MOK: variants seen among roughly 807,000 people sequenced by gnomAD.
MOK encodes the protein MOK protein kinase.
In MOK, 59 loss-of-function variants were observed where a neutral mutation model predicts 54.2. The ratio of observed to expected loss-of-function variants is 1.09; its 90% CI spans 0.88 to 1.35. The LOEUF (loss-of-function observed/expected upper bound fraction) is 1.35. MOK is among the 40% of genes most tolerant of loss of function. The probability of loss-of-function intolerance (pLI) is 0.00; values close to 1 mark genes in which losing one functional copy is unlikely to be tolerated. For synonymous variants in MOK, 210 were observed against 202.7 expected, an observed-to-expected ratio of 1.04 and a Z score of -0.31; for missense variants, 517 against 526.2, an observed-to-expected ratio of 0.98 and a Z score of 0.17.
intron 1 of MOK, among the ~76,000 whole-genome samples, chr14:102,295,313 A>G (rs549367301): frequency 6.6e-6 from 1 of 152,380 alleles, no homozygotes; most frequent in African/African-American, 2.4e-5. Context: ...GATTCTATGC[A>G]CATTTATTAA....
chr14:102,222,718 C>T, downstream of MOK: 2 of 1,109,094 alleles, frequency 1.8e-6, no homozygotes, highest in Non-Finnish European at 1.4e-6. This position sits in a 1 kb window ranked among gnomAD's most constrained non-coding sequence, Gnocchi z 4.4. Flanking sequence ...ACACTGGCTT[C>T]CACATCAACA....
chr14:102,242,446 T>C (rs2065792578), intron 7 of MOK, among the ~76,000 whole-genome samples: 1 of 152,054 alleles, frequency 6.6e-6, no homozygotes, highest in Non-Finnish European at 1.5e-5. Flanking sequence ...TTGCTGCCCT[T>C]TTCCTCAGTT....
intron 5 of MOK, 24 bp from the exon 6 acceptor site, chr14:102,251,828 T>C (rs145866608): frequency 6.4e-7 from 1 of 1,553,406 alleles, no homozygotes; most frequent in East Asian, 2.2e-5. Context: ...AAAGGAAAAA[T>C]AGAATTACAC....
rs1338548596 is a variant in MOK, at chr14:102,235,829, G to A, written c.591-2040C>T. On this transcript the variant is annotated intron_variant, in intron 7 of 11. Coordinates refer to ENST00000361847, the MANE Select transcript of MOK (RefSeq NM_014226.3). The surrounding 1 kb of genome is among the most constrained non-coding windows in gnomAD (Gnocchi z 4.4). ...GAAGATGCCCCTCAGACCCCACAAC[G>A]AGACCTCCTTAACTTGGCTTTCAAA... Among the ~76,000 whole-genome samples the A allele has an allele frequency of 6.6e-6, 1 of 152,058 alleles. No individual in the cohort carries two copies. Among genetic ancestry groups the A allele is most frequent in the Non-Finnish European group, 1.5e-5 (1 of 68,014 alleles).
rs1327032194 is a variant in MOK, at chr14:102,229,274, G to A, written c.*15C>T. On this transcript the variant is annotated 3_prime_UTR_variant, in exon 12 of 12. Coordinates refer to ENST00000361847, the MANE Select transcript of MOK (RefSeq NM_014226.3). ...TTGGTGTTGCCTCCGAAGTCGAGAC[G>A]ACGGTGCTGCTCAGTTATCTTCCGC... 4 of 1,577,488 alleles carry A rather than the reference G, an allele frequency of 2.5e-6. No individual in the cohort carries two copies. Among genetic ancestry groups the A allele is most frequent in the African/African-American group, 1.3e-5 (1 of 74,264 alleles).
At chr14:102,275,299 TC>T (rs1427116749) in intron 2 of MOK, among the ~76,000 whole-genome samples, 3 of 152,196 alleles carry the variant, frequency 2.0e-5, no homozygotes. Flanking sequence ...GCACGGCGGC[TC>T]ACGCCTGTAA....
chr14:102,251,508 G>T lies in MOK; in HGVS notation c.411+248C>A, dbSNP rs547125759. On this transcript the variant is annotated intron_variant, in intron 6 of 11. Coordinates refer to ENST00000361847, the MANE Select transcript of MOK (RefSeq NM_014226.3). Reference sequence around the variant, plus strand: ...AGGTTTGAACGGCCGTCTGAATAGGGTTCATTTTTGTCTGCGGTGTGAAAA... The same window carrying T: ...AGGTTTGAACGGCCGTCTGAATAGGTTTCATTTTTGTCTGCGGTGTGAAAA... The T allele has an allele frequency of 4.4e-4, 258 of 584,726 alleles. 2 individuals carry two copies. Among genetic ancestry groups the T allele is most frequent in the South Asian group, 1.0e-3 (67 of 64,970 alleles). The allele number at this position is 584,726 out of a possible 1,614,324, so 36.2% of individuals were successfully genotyped here. A position where few individuals can be genotyped will look rare whatever the true frequency, so the allele number is the denominator to read the frequency against.
intron 7 of MOK, chr14:102,247,359 T>C (rs1597347850): frequency 6.6e-6 from 1 of 152,190 alleles, no homozygotes; most frequent in African/African-American, 2.4e-5. Context: ...TACCTCAACT[T>C]ATATTTGCCT....
chr14:102,221,046 GT>G (rs1275612523), downstream of MOK, among the ~76,000 whole-genome samples: 1 of 152,212 alleles, frequency 6.6e-6, no homozygotes, highest in East Asian at 1.9e-4. This position sits in a 1 kb window ranked among gnomAD's most constrained non-coding sequence, Gnocchi z 4.8. Context: ...GCTGTCACTT[GT>G]TTTTAAGTTG....
chr14:102,221,850 G>A (rs1268689329), downstream of MOK, among the ~76,000 whole-genome samples: 1 of 152,190 alleles, frequency 6.6e-6, no homozygotes, highest in East Asian at 1.9e-4. This position sits in a 1 kb window ranked among gnomAD's most constrained non-coding sequence, Gnocchi z 4.8. Flanking sequence ...CTCATCAGCT[G>A]AAGCCTTCTT....
chr14:102,224,680 G>A (rs1304594570), downstream of MOK: 6 of 455,848 alleles, frequency 1.3e-5, no homozygotes, highest in East Asian at 2.1e-4. Context: ...CTCAGCCCTC[G>A]GTTTAGTTTT....
At chr14:102,259,350 A>G (rs926508432) in intron 4 of MOK, among the ~76,000 whole-genome samples, 1 of 152,186 alleles carries the variant, frequency 6.6e-6, no homozygotes, top group African/African-American at 2.4e-5. Flanking sequence ...TCACTAAAGA[A>G]GCATCATCAT....
At chr14:102,259,168 G>A (rs1855680748) in intron 4 of MOK, among the ~76,000 whole-genome samples, 1 of 151,986 alleles carries the variant, frequency 6.6e-6, no homozygotes, top group South Asian at 2.1e-4. Flanking sequence ...CTTGCACACT[G>A]CTGTAAAGTA....
chr14:102,304,891 A>C, intron 1 of MOK, 71 bp downstream of exon 1: 2 of 1,513,976 alleles, frequency 1.3e-6, no homozygotes, highest in Non-Finnish European at 9.0e-7. Flanking sequence ...CAAGCTCCTC[A>C]AGCTCCCCCA....
chr14:102,255,662 T>C lies in MOK; in HGVS notation c.284-3667A>G, dbSNP rs193168109. On this transcript the variant is annotated intron_variant, in intron 4 of 11. Transcript: ENST00000361847. ...GAAAGCACTGCCTAGCCACTCTCCA[T>C]AAGCTTCTCCAGAACAAACTTTCCG... is the stretch of plus-strand genomic sequence containing the variant. 3.6e-4 allele frequency among the ~76,000 whole-genome samples: 55 copies of C among 152,320 alleles called. No individual in the cohort carries two copies. In the East Asian group the frequency reaches 9.8e-3, roughly 27 times the overall value.
At chr14:102,278,396 A>T (rs1314051300) in intron 2 of MOK, among the ~76,000 whole-genome samples, 1 of 151,300 alleles carries the variant, frequency 6.6e-6, no homozygotes, top group Non-Finnish European at 1.5e-5. Flanking sequence ...AAAAAAAAAA[A>T]GGCTTTTAGA....
intron 1 of MOK, among the ~76,000 whole-genome samples, chr14:102,293,617 G>A (rs1033586496): frequency 1.6e-4 from 22 of 138,300 alleles, no homozygotes; most frequent in Admixed American, 8.1e-5. Context: ...AGAATCACTT[G>A]AACCCAGGAG....
rs372225581 is a variant in MOK at position 102,235,724 on chromosome 14, C to T, written c.591-1935G>A. On this transcript the variant is annotated intron_variant, in intron 7 of 11. Transcript: ENST00000361847. This position sits in a 1 kb window ranked among gnomAD's most constrained non-coding sequence, Gnocchi z 4.4. ...AAATACACGCGTGTCGATCCCGCCT[C>T]CCGGGAAGGAACTATTGTTCTTTAC... Among the ~76,000 whole-genome samples, 136 of 152,304 alleles carry T rather than the reference C, an allele frequency of 8.9e-4. No individual in the cohort carries two copies. The highest frequency in any genetic ancestry group is 3.1e-3 in the African/African-American group (128 of 41,558).
chr14:102,256,350 G>A (rs1226516097), intron 4 of MOK, among the ~76,000 whole-genome samples: 1 of 151,772 alleles, frequency 6.6e-6, no homozygotes, highest in Non-Finnish European at 1.5e-5. Flanking sequence ...GGATCACGAG[G>A]TCAGGAGATT....
Sources: gnomAD v4.1 joint callset for allele counts (sites outside exome capture counted in the v4.1 genomes callset) on GRCh38, gnomAD v4.1.1 for gene constraint, Gnocchi (gnomAD v3.1) non-coding constraint, MANE v1.5 for transcripts, NCBI Gene and HGNC (gene_info 2026-07-23, HGNC 2026-07-21) for gene names.